TRAP1: variants seen among roughly 807,000 people sequenced by gnomAD.
TRAP1 encodes heat shock protein 75 kDa, mitochondrial.
TRAP1 carries 102 observed loss-of-function variants against 89.1 expected under a neutral mutation model. That is an observed-to-expected ratio of 1.15 (90% CI 0.98 to 1.35). The LOEUF (loss-of-function observed/expected upper bound fraction) is 1.35, where lower values mean the gene tolerates loss of function less well. Ranked by LOEUF, TRAP1 falls within the 40% of genes most tolerant of loss-of-function variation. The pLI is 0.00. For missense variants in TRAP1, 1,256 were observed against 945.3 expected (o/e 1.33, Z -4.31); for synonymous variants, 508 against 388.0 (o/e 1.31, Z -3.64).
chr16:3,691,281 A>G (rs2051211062), intron 1 of TRAP1: 2 of 239,812 alleles, frequency 8.3e-6, no homozygotes, highest in Non-Finnish European at 1.6e-5. Context: ...TGTCACTGCG[A>G]TCACAGCTCA....
intron 1 of TRAP1, among the ~76,000 whole-genome samples, chr16:3,709,712 G>A (rs540381286): frequency 4.6e-5 from 7 of 152,040 alleles, no homozygotes; most frequent in African/African-American, 1.7e-4. Context: ...GTGCAGTGGC[G>A]CCATCTCGGC....
At chr16:3,674,248 T>G (rs1395690572) in intron 9 of TRAP1, 91 bp downstream of exon 9, 14 of 1,519,234 alleles carry the variant, frequency 9.2e-6, no homozygotes, top group Non-Finnish European at 1.3e-5. Context: ...GCCCTCACAC[T>G]GCCATGTTAA....
chr16:3,695,777 C>G (rs757519179), intron 1 of TRAP1, among the ~76,000 whole-genome samples: 1 of 152,120 alleles, frequency 6.6e-6, no homozygotes, highest in Non-Finnish European at 1.5e-5. Context: ...GATGTGTCCC[C>G]TGCGGAGTCA....
rs769957626 is a variant in TRAP1, at chr16:3,658,800, A to G, written c.2006T>C (p.Val669Ala). 8.7e-6 allele frequency: 14 copies of G among 1,613,580 alleles called. No individual in the cohort carries two copies. The highest frequency in any genetic ancestry group is 1.2e-5 in the Non-Finnish European group (14 of 1,179,924). Reference sequence around the variant, plus strand: ...CTAAGCTGCTGCACTCACCTGATCCACCAGCAGCTGAGCCAGGCCAGGCTC... The same window carrying G: ...CTAAGCTGCTGCACTCACCTGATCCGCCAGCAGCTGAGCCAGGCCAGGCTC... ...ASEPGLAQLL[V>A]DQIYENAMIA... Residue 669 changes from valine (V) to alanine (A), a missense_variant, in exon 17 of 18, where the codon GTG (valine) becomes GCG (alanine). By Grantham distance (64) the Val-to-Ala change is moderately conservative (BLOSUM62 0). Transcript: ENST00000246957.
chr16:3,713,832 C>G (rs189376235), intron 1 of TRAP1, among the ~76,000 whole-genome samples: 13 of 152,326 alleles, frequency 8.5e-5, no homozygotes, highest in East Asian at 7.7e-4. Context: ...GGAGCTCTGA[C>G]GAAAAGCTCT....
At chr16:3,688,203 G>A (rs1048158129) in intron 3 of TRAP1, among the ~76,000 whole-genome samples, 9 of 151,764 alleles carry the variant, frequency 5.9e-5, no homozygotes, top group East Asian at 1.9e-4. Flanking sequence ...GTCTCTTCAC[G>A]TTGCCTAGGC....
chr16:3,710,879 A>ATATATTTTTTTT (rs71133652), intron 1 of TRAP1, among the ~76,000 whole-genome samples: 70 of 125,778 alleles, frequency 5.6e-4, no homozygotes, highest in African/African-American at 1.7e-3. Flanking sequence ...ATATATATAT[A>ATATATTTTTTTT]TTTTTTTTTT....
At position 3,687,105 on chromosome 16, in the gene TRAP1, G is replaced by A. The variant is rs537795562; in HGVS notation, c.331-969C>T. Reference sequence around the variant, plus strand: ...CCCCACGAAAATCTCACCTTGAATTGTACTCCCATAATTCCCACGTGTTGT... The same window carrying A: ...CCCCACGAAAATCTCACCTTGAATTATACTCCCATAATTCCCACGTGTTGT... On this transcript the variant is annotated intron_variant, in intron 3 of 17. Transcript: ENST00000246957. 3 of 152,248 alleles carry A rather than the reference G, an allele frequency of 2.0e-5. No individual in the cohort carries two copies. The South Asian group carries it at 6.2e-4, about 32-fold the overall frequency. 9.4% of individuals were successfully genotyped at this position (152,248 alleles called of 1,614,324 possible).
intron 4 of TRAP1, among the ~76,000 whole-genome samples, chr16:3,684,437 C>A (rs1596725640): frequency 6.6e-6 from 1 of 152,136 alleles, no homozygotes. Flanking sequence ...TGAGACCCCA[C>A]AAGAAAGCTT....
chr16:3,709,105 G>A (rs981150571), intron 1 of TRAP1, among the ~76,000 whole-genome samples: 4 of 151,118 alleles, frequency 2.6e-5, no homozygotes, highest in Non-Finnish European at 4.4e-5. Flanking sequence ...GTGAGCCACC[G>A]TGCCTGGCCC....
chr16:3,715,351 T>C (rs1170528074), intron 1 of TRAP1, among the ~76,000 whole-genome samples: 4 of 152,012 alleles, frequency 2.6e-5, no homozygotes, highest in Non-Finnish European at 5.9e-5. Context: ...GGCAGGAGAA[T>C]GGCCTGAACC....
rs942792878 is a variant in TRAP1 at position 3,674,677 on chromosome 16, G to A, written c.889-183C>T. ...GGGCTATGCCGGGTAGTGCAGGGGA[G>A]ACACACAAGGCTCTGGGGCAGGAGC... On this transcript the variant is annotated intron_variant, in intron 8 of 17. Coordinates refer to ENST00000246957, the MANE Select transcript of TRAP1 (RefSeq NM_016292.3). 13 of 687,032 alleles carry A rather than the reference G, an allele frequency of 1.9e-5. No homozygotes were observed. The African/African-American group carries it at 2.3e-4, about 12-fold the overall frequency. 42.6% of individuals were successfully genotyped at this position (687,032 alleles called of 1,614,324 possible).
intron 10 of TRAP1, 40 bp from the exon 11 acceptor site, chr16:3,671,831 C>T (rs1250527330): frequency 6.3e-7 from 1 of 1,597,188 alleles, no homozygotes; most frequent in Non-Finnish European, 8.5e-7. Flanking sequence ...GGGCTGCGGC[C>T]CTCCACACCA....
chr16:3,693,717 G>A (rs548981107), intron 1 of TRAP1, among the ~76,000 whole-genome samples: 1 of 152,284 alleles, frequency 6.6e-6, no homozygotes, highest in African/African-American at 2.4e-5. Flanking sequence ...TCTGAGCCAG[G>A]CACACAACCT....
intron 1 of TRAP1, among the ~76,000 whole-genome samples, chr16:3,715,744 G>A (rs983074131): frequency 2.6e-5 from 4 of 152,084 alleles, no homozygotes; most frequent in African/African-American, 9.7e-5. Context: ...GTCAGGCACT[G>A]GAGACCAGCC....
intron 9 of TRAP1, 147 bp downstream of exon 9, chr16:3,674,192 A>G: frequency 8.8e-7 from 1 of 1,138,468 alleles, no homozygotes; most frequent in Non-Finnish European, 1.2e-6. Flanking sequence ...AAGTGCTGGG[A>G]TAACAGGCGT....
chr16:3,685,916 C>T (rs2051132026), intron 4 of TRAP1, 80 bp downstream of exon 4: 4 of 1,523,616 alleles, frequency 2.6e-6, no homozygotes, highest in Non-Finnish European at 3.6e-6. Flanking sequence ...GTCCCTGGGA[C>T]CCGAGACATC....
intron 1 of TRAP1, chr16:3,710,446 A>C (rs1000913460): frequency 6.6e-6 from 1 of 152,192 alleles, no homozygotes; most frequent in African/African-American, 2.4e-5. Context: ...CAATGGCCCT[A>C]CGGGAGCCTA....
chr16:3,677,973 G>C (rs1217587238), intron 5 of TRAP1: 1 of 294,474 alleles, frequency 3.4e-6, no homozygotes, highest in Non-Finnish European at 6.4e-6. Context: ...GCTTGAATAA[G>C]CTCTTTCCCT....
Sources: allele counts gnomAD v4.1 joint callset (sites outside exome capture counted in the v4.1 genomes callset), GRCh38; gene constraint gnomAD v4.1.1; transcripts MANE v1.5; gene names NCBI Gene and HGNC (gene_info 2026-07-23, HGNC 2026-07-21).